The following NSMCE2 variants were observed in gnomAD, a reference collection of about 807,000 sequenced individuals.
NSMCE2 encodes the protein NSE2 SUMO ligase component of SMC5/6 complex.
Under a neutral mutation model 23.8 loss-of-function variants are expected in NSMCE2, and 24 were observed. The observed-to-expected ratio is 1.01, with a 90% CI of 0.73 to 1.42. The LOEUF (loss-of-function observed/expected upper bound fraction) is 1.42, where lower values mean the gene tolerates loss of function less well. Among genes scored for constraint, NSMCE2 ranks in the 40% most tolerant of loss-of-function variants. The pLI, the probability that NSMCE2 is intolerant of heterozygous loss-of-function variation, is 0.00. For missense variants in NSMCE2, 284 were observed against 296.5 expected (o/e 0.96, Z 0.31); for synonymous variants, 92 against 94.1 (o/e 0.98, Z 0.13).
At chr8:125,186,139 G>A in intron 5 of NSMCE2, among the ~76,000 whole-genome samples, 1 of 152,168 alleles carries the variant, frequency 6.6e-6, no homozygotes, top group East Asian at 1.9e-4. Context: ...ATCAAAAGGG[G>A]AGTAATATTT....
At chr8:125,096,481 C>T (rs1420863629) in intron 1 of NSMCE2, among the ~76,000 whole-genome samples, 1 of 150,410 alleles carries the variant, frequency 6.6e-6, no homozygotes, top group Admixed American at 6.6e-5. Context: ...TATGATGATC[C>T]ATACTTGCCT....
intron 4 of NSMCE2, chr8:125,156,084 A>G (rs1479710698): frequency 2.5e-6 from 1 of 394,688 alleles, no homozygotes; most frequent in Non-Finnish European, 4.9e-6. Context: ...GTTCAAGATC[A>G]GCCTGGACAA....
intron 5 of NSMCE2, among the ~76,000 whole-genome samples, chr8:125,238,837 T>C (rs1825656635): frequency 6.6e-6 from 1 of 152,252 alleles, no homozygotes; most frequent in Non-Finnish European, 1.5e-5. Context: ...GTTTTGTTTA[T>C]GTATACAATT....
chr8:125,109,245 C>T (rs1818613738), intron 3 of NSMCE2, among the ~76,000 whole-genome samples: 1 of 152,046 alleles, frequency 6.6e-6, no homozygotes, highest in Non-Finnish European at 1.5e-5. Flanking sequence ...TCCAATTTGC[C>T]TCAGGTTTCC....
At chr8:125,366,620 C>A in intron 7 of NSMCE2, 148 bp from the exon 8 acceptor site, 1 of 630,532 alleles carries the variant, frequency 1.6e-6, no homozygotes. Flanking sequence ...GGTAGGGACT[C>A]AGTGAATAAA....
At chr8:125,130,541 T>A (rs1280814653) in intron 3 of NSMCE2, among the ~76,000 whole-genome samples, 1 of 152,134 alleles carries the variant, frequency 6.6e-6, no homozygotes, top group Non-Finnish European at 1.5e-5. Flanking sequence ...TCAGCTATTT[T>A]TCCAAGGGCC....
At chr8:125,361,853 C>T (rs1813570443) in intron 7 of NSMCE2, among the ~76,000 whole-genome samples, 1 of 152,216 alleles carries the variant, frequency 6.6e-6, no homozygotes, top group Non-Finnish European at 1.5e-5. Flanking sequence ...ATCCCTCCCA[C>T]TCAGATTTCC....
intron 5 of NSMCE2, among the ~76,000 whole-genome samples, chr8:125,228,417 T>C (rs1190960927): frequency 6.6e-6 from 1 of 152,176 alleles, no homozygotes; most frequent in Non-Finnish European, 1.5e-5. Context: ...TATGTGATAA[T>C]GTAACACAAA....
At chr8:125,150,418 C>CTTTTTTTTTTTTT (rs1820932488) in intron 3 of NSMCE2, among the ~76,000 whole-genome samples, 1 of 99,674 alleles carries the variant, frequency 1.0e-5, no homozygotes, top group Non-Finnish European at 2.1e-5. Context: ...TTTTTCTTTT[C>CTTTTTTTTTTTTT]TTTCTTTCTT....
intron 5 of NSMCE2, among the ~76,000 whole-genome samples, chr8:125,306,760 C>T (rs1828782069): frequency 6.6e-6 from 1 of 152,096 alleles, no homozygotes; most frequent in Non-Finnish European, 1.5e-5. Flanking sequence ...AAGTACAGGT[C>T]CTGGAGCTGG....
chr8:125,219,954 C>A (rs559653403), intron 5 of NSMCE2, among the ~76,000 whole-genome samples: 2 of 152,184 alleles, frequency 1.3e-5, no homozygotes, highest in Non-Finnish European at 2.9e-5. Context: ...TACAACGTAG[C>A]CTGCCTTATG....
At chr8:125,306,912 A>C (rs1828787509) in intron 5 of NSMCE2, among the ~76,000 whole-genome samples, 1 of 152,252 alleles carries the variant, frequency 6.6e-6, no homozygotes, top group Non-Finnish European at 1.5e-5. Context: ...TATGTGAGGA[A>C]TAATAAGTTA....
chr8:125,186,260 G>T (rs543818962), intron 5 of NSMCE2, among the ~76,000 whole-genome samples: 1 of 152,224 alleles, frequency 6.6e-6, no homozygotes, highest in Non-Finnish European at 1.5e-5. Context: ...CTGTCACACT[G>T]TCATGGCAGG....
intron 5 of NSMCE2, among the ~76,000 whole-genome samples, chr8:125,322,766 A>C (rs1829506225): frequency 6.6e-6 from 1 of 152,274 alleles, no homozygotes; most frequent in Non-Finnish European, 1.5e-5. Context: ...AATTTGAAGA[A>C]TATAAGACTA....
At chr8:125,257,022 G>T (rs1230496763) in intron 5 of NSMCE2, among the ~76,000 whole-genome samples, 1 of 149,182 alleles carries the variant, frequency 6.7e-6, no homozygotes, top group Non-Finnish European at 1.5e-5. Flanking sequence ...AGGAGTCCGG[G>T]CCTGTAATCG....
intron 4 of NSMCE2, among the ~76,000 whole-genome samples, chr8:125,153,574 G>C (rs896933596): frequency 6.6e-6 from 1 of 152,160 alleles, no homozygotes; most frequent in Non-Finnish European, 1.5e-5. Context: ...GAGGGGCCGG[G>C]ATAATATACT....
rs568326651 is a variant in NSMCE2, at chr8:125,227,591, A to G, written c.418+45335A>G. Among the ~76,000 whole-genome samples, 4 of 152,384 alleles carry G rather than the reference A, an allele frequency of 2.6e-5. No individual in the cohort carries two copies. The South Asian group carries it at 8.3e-4, about 32-fold the overall frequency. ...TAATTGCAAATGTATTGCAATTCAT[A>G]TTAAAAATCAGGAAGCCTTGTACTT... On this transcript the variant is annotated intron_variant, in intron 5 of 7. Transcript: ENST00000287437.
At chr8:125,301,238 C>T (rs943960386) in intron 5 of NSMCE2, among the ~76,000 whole-genome samples, 32 of 152,168 alleles carry the variant, frequency 2.1e-4, no homozygotes, top group African/African-American at 5.6e-4. Context: ...AATCACCTGC[C>T]TGTACAGTCG....
intron 5 of NSMCE2, among the ~76,000 whole-genome samples, chr8:125,314,991 C>T (rs910074626): frequency 2.6e-5 from 4 of 152,150 alleles, no homozygotes. Context: ...TAGACTCACA[C>T]TGAAGGGTTT....
Sources: gnomAD v4.1 joint callset for allele counts (sites outside exome capture counted in the v4.1 genomes callset) on GRCh38, gnomAD v4.1.1 for gene constraint, MANE v1.5 for transcripts, NCBI Gene and HGNC (gene_info 2026-07-23, HGNC 2026-07-21) for gene names.